ATXN7L1: variants seen among roughly 807,000 people sequenced by gnomAD.
ATXN7L1 encodes ataxin-7-like protein 1.
Under a neutral mutation model 70.8 loss-of-function variants are expected in ATXN7L1, and 15 were observed. The ratio of observed to expected loss-of-function variants is 0.21; its 90% confidence interval spans 0.14 to 0.33. The LOEUF is 0.33. Ranked by LOEUF, ATXN7L1 falls within the 10% of genes least tolerant of loss-of-function variation. The pLI, the probability that ATXN7L1 is intolerant of heterozygous loss-of-function variation, is 1.00. For missense variants in ATXN7L1, 975 were observed against 1,097.1 expected, an observed-to-expected ratio of 0.89 and a Z score of 1.57; for synonymous variants, 440 against 445.1, an observed-to-expected ratio of 0.99 and a Z score of 0.14.
chr7:105,666,524 G>C (rs1802638778), intron 3 of ATXN7L1, among the ~76,000 whole-genome samples: 1 of 152,196 alleles, frequency 6.6e-6, no homozygotes, highest in African/African-American at 2.4e-5. Flanking sequence ...CCCACCTGTG[G>C]CCAGCTGCGA....
Position 105,876,536 on chromosome 7 carries a change from A to T in ATXN7L1, c.23T>A (p.Ile8Asn), listed in dbSNP as rs750787221. 3.6e-6 allele frequency: 5 copies of T among 1,384,626 alleles called. No homozygotes were observed. Among genetic ancestry groups the T allele is most frequent in the Non-Finnish European group, 4.8e-6 (5 of 1,034,964 alleles). 85.8% of individuals were successfully genotyped at this position (1,384,626 alleles called of 1,614,324 possible). A position where few individuals can be genotyped will look rare whatever the true frequency, so the allele number is the denominator to read the frequency against. Residue 8 changes from isoleucine (I) to asparagine (N), a missense_variant, in exon 1 of 12, where the codon ATC becomes AAC. By Grantham distance (149) the Ile-to-Asn change is moderately radical (BLOSUM62 -3). This residue lies in a region of ATXN7L1 where 135 missense variants were observed against 132.6 expected (regional missense o/e 1.02). Coordinates refer to ENST00000419735, the MANE Select transcript of ATXN7L1 (RefSeq NM_020725.2). The part of the protein sequence containing the change: MTSERSR[I>N]PCLSAAAAEG... ...GGCAGCAGCAGCCGAGAGACACGGG[A>T]TTCGAGAACGCTCCGACGTCATCTT... is the stretch of plus-strand genomic sequence containing the variant.
chr7:105,766,951 C>G (rs1801341118), intron 3 of ATXN7L1, among the ~76,000 whole-genome samples: 1 of 152,210 alleles, frequency 6.6e-6, no homozygotes, highest in Non-Finnish European at 1.5e-5. Flanking sequence ...GACGCTTGCT[C>G]TGAAAGCCCG....
intron 2 of ATXN7L1, among the ~76,000 whole-genome samples, chr7:105,827,109 A>C (rs765220323): frequency 6.6e-6 from 1 of 152,132 alleles, no homozygotes; most frequent in Non-Finnish European, 1.5e-5. Context: ...AAAGGAAAGG[A>C]TGGGGACTCT....
intron 3 of ATXN7L1, among the ~76,000 whole-genome samples, chr7:105,746,770 T>C (rs545528777): frequency 6.6e-6 from 1 of 152,328 alleles, no homozygotes; most frequent in East Asian, 1.9e-4. Context: ...CATTATTAAG[T>C]CAAAAAGCAA....
chr7:105,710,721 T>C (rs552075952), intron 3 of ATXN7L1, among the ~76,000 whole-genome samples: 188 of 152,304 alleles, frequency 1.2e-3, no homozygotes, highest in Non-Finnish European at 1.7e-3. Flanking sequence ...ACCATCTTTT[T>C]GGTTTAAACA....
At chr7:105,771,356 AG>A (rs1801984396) in intron 3 of ATXN7L1, among the ~76,000 whole-genome samples, 2 of 152,084 alleles carry the variant, frequency 1.3e-5, no homozygotes, top group South Asian at 2.1e-4. Flanking sequence ...AGCAGGGAGG[AG>A]GAGCCCCCTG....
chr7:105,821,601 TG>T (rs1810173123), intron 2 of ATXN7L1, among the ~76,000 whole-genome samples: 1 of 152,180 alleles, frequency 6.6e-6, no homozygotes, highest in Non-Finnish European at 1.5e-5. Flanking sequence ...ATTTGATAGG[TG>T]GAAGAGTAGG....
chr7:105,776,631 G>A (rs997987558), intron 3 of ATXN7L1, among the ~76,000 whole-genome samples: 1 of 152,066 alleles, frequency 6.6e-6, no homozygotes, highest in Non-Finnish European at 1.5e-5. Flanking sequence ...AGTGTGAGAG[G>A]GGGGAGGGGT....
chr7:105,609,345 T>C (rs527424031), intron 11 of ATXN7L1, among the ~76,000 whole-genome samples: 1 of 152,240 alleles, frequency 6.6e-6, no homozygotes, highest in South Asian at 2.1e-4. Flanking sequence ...AATTTTGCAT[T>C]TTTAGTAGAG....
intron 3 of ATXN7L1, among the ~76,000 whole-genome samples, chr7:105,683,625 A>T (rs1349095174): frequency 6.6e-6 from 1 of 152,138 alleles, no homozygotes; most frequent in Non-Finnish European, 1.5e-5. Flanking sequence ...TCGTGAGCTG[A>T]GATTGTACCA....
chr7:105,651,883 C>T (rs1157259179), intron 4 of ATXN7L1, among the ~76,000 whole-genome samples: 1 of 152,184 alleles, frequency 6.6e-6, no homozygotes, highest in Non-Finnish European at 1.5e-5. Context: ...AGAGAAATAA[C>T]TCTATAAGCC....
At chr7:105,661,113 T>C (rs573179712) in intron 4 of ATXN7L1, among the ~76,000 whole-genome samples, 1 of 152,134 alleles carries the variant, frequency 6.6e-6, no homozygotes. Flanking sequence ...AAATAAGCAG[T>C]GGATGAAGGC....
intron 3 of ATXN7L1, among the ~76,000 whole-genome samples, chr7:105,701,690 A>G (rs560511999): frequency 1.3e-5 from 2 of 152,182 alleles, no homozygotes; most frequent in Non-Finnish European, 2.9e-5. Context: ...TCTTTATTGG[A>G]TAATTCTTAC....
intron 3 of ATXN7L1, among the ~76,000 whole-genome samples, chr7:105,763,915 G>A (rs539331070): frequency 3.9e-4 from 60 of 152,074 alleles, no homozygotes; most frequent in African/African-American, 1.4e-3. Context: ...ATGCAATGGC[G>A]TGTTCTCGGT....
At chr7:105,857,685 A>C (rs1430545984) in intron 2 of ATXN7L1, among the ~76,000 whole-genome samples, 2 of 152,252 alleles carry the variant, frequency 1.3e-5, no homozygotes. Context: ...GTAGAGGGTC[A>C]CTTGACTGTG....
chr7:105,856,226 TATAAGA>T (rs1364280857), intron 2 of ATXN7L1, among the ~76,000 whole-genome samples: 6 of 152,198 alleles, frequency 3.9e-5, no homozygotes, highest in African/African-American at 1.4e-4. Context: ...AGGTTGGGGA[TATAAGA>T]ATTTGGCAGA....
chr7:105,655,556 T>C (rs982984718), intron 4 of ATXN7L1, among the ~76,000 whole-genome samples: 1 of 151,830 alleles, frequency 6.6e-6, no homozygotes, highest in Non-Finnish European at 1.5e-5. Context: ...GTCCTTGCAG[T>C]GTCTGCGGCT....
rs1032181624 is a variant in ATXN7L1, at chr7:105,676,523, C to A, written c.356-11235G>T. 2.0e-5 allele frequency among the ~76,000 whole-genome samples: 3 copies of A among 152,302 alleles called. No individual in the cohort carries two copies. The South Asian group carries it at 6.2e-4, about 32-fold the overall frequency. ...GGATCTTGGGGAGAAGATCCATGAGCTGGGATTCCCCATATTTAAAATACC... is the reference window on the plus strand; with the variant it reads ...GGATCTTGGGGAGAAGATCCATGAGATGGGATTCCCCATATTTAAAATACC... On this transcript the variant is annotated intron_variant, in intron 3 of 11. Coordinates refer to ENST00000419735, the MANE Select transcript of ATXN7L1 (RefSeq NM_020725.2).
intron 3 of ATXN7L1, among the ~76,000 whole-genome samples, chr7:105,753,033 T>C (rs946990054): frequency 4.6e-5 from 7 of 152,214 alleles, no homozygotes; most frequent in Non-Finnish European, 1.0e-4. Context: ...ACTAATTAAA[T>C]GATTGTAACA....
Sources: gnomAD v4.1 joint callset for allele counts (sites outside exome capture counted in the v4.1 genomes callset) on GRCh38, gnomAD v4.1.1 for gene constraint, gnomAD v4.1.1 regional missense constraint, MANE v1.5 for transcripts, NCBI Gene and HGNC (gene_info 2026-07-23, HGNC 2026-07-21) for gene names.